The following SUPT16H variants were observed in gnomAD, a reference collection of about 807,000 sequenced individuals.
SUPT16H encodes FACT complex subunit SPT16.
A neutral mutation model predicts 136.2 loss-of-function variants in SUPT16H; 24 were observed. That is an observed-to-expected ratio of 0.18 (90% CI 0.13 to 0.25). SUPT16H has a LOEUF of 0.25. SUPT16H is among the 10% of genes least tolerant of loss of function. SUPT16H has a pLI of 1.00. For synonymous variants in SUPT16H, 415 were observed against 428.2 expected (o/e 0.97, Z 0.38); for missense variants, 623 against 1,270.2 (o/e 0.49, Z 7.74).
intron 1 of SUPT16H, chr14:21,383,419 A>C (rs144197609): frequency 4.0e-6 from 2 of 505,058 alleles, no homozygotes; most frequent in Non-Finnish European, 7.0e-6. Context: ...CCCGATTGAC[A>C]TCCTCCTTGC....
chr14:21,362,142 G>C (rs1272371867), intron 15 of SUPT16H, 55 bp downstream of exon 15: 4 of 1,560,188 alleles, frequency 2.6e-6, no homozygotes, highest in East Asian at 2.3e-5. Flanking sequence ...AAATGTTTCT[G>C]AGAGTACCAC....
chr14:21,370,372 G>A lies in SUPT16H; in HGVS notation c.447C>T (p.Ser149=). 6.2e-7 allele frequency: 1 copy of A among 1,612,754 alleles called. No individual in the cohort carries two copies. Among genetic ancestry groups the A allele is most frequent in the African/African-American group, 1.3e-5 (1 of 74,986 alleles). ...CTTCTTTGTTGAGGCAGTCATTCCA[G>A]CTCTTCATGAACTCTCCAGGGAATT... ...KDKFPGEFMK[S]WNDCLNKEGF... Residue 149 remains serine (S), a synonymous_variant, in exon 4 of 26, where the codon AGC becomes AGT. Transcript: ENST00000216297.
At position 21,375,400 on chromosome 14, in the gene SUPT16H, G is replaced by A. The variant is rs149082422; in HGVS notation, c.67-1970C>T. On this transcript the variant is annotated intron_variant, in intron 1 of 25. Transcript: ENST00000216297. ...GTTTACTGACAACTGTATGCCTCTT[G>A]GAGAAATGCCTGTTCAGATCCTCTG... Among the ~76,000 whole-genome samples, 494 of 152,222 alleles carry A rather than the reference G, an allele frequency of 3.2e-3. 3 individuals carry two copies. The highest frequency in any genetic ancestry group is 0.012 in the African/African-American group (482 of 41,526).
chr14:21,369,639 A>T, intron 5 of SUPT16H, 111 bp downstream of exon 5: 1 of 1,370,432 alleles, frequency 7.3e-7, no homozygotes, highest in Non-Finnish European at 1.0e-6. Context: ...CCACCAACTT[A>T]AGTGTCAGTC....
At chr14:21,373,507 A>G (rs1886832811) in intron 1 of SUPT16H, 77 bp from the exon 2 acceptor site, 3 of 1,076,196 alleles carry the variant, frequency 2.8e-6, no homozygotes, top group Non-Finnish European at 4.3e-6. Context: ...TTTATCTAGG[A>G]CAGGCATAAT....
rs1257394167 is a variant in SUPT16H, at chr14:21,357,213, T to C, written c.2644A>G (p.Ile882Val). 9 of 1,597,786 alleles carry C rather than the reference T, an allele frequency of 5.6e-6. No homozygotes were observed. The highest frequency in any genetic ancestry group is 6.8e-6 in the Non-Finnish European group (8 of 1,172,906). ...NAIPVASLDP[I>V]KEWLNSCDLK... The stretch of plus-strand genomic sequence containing the variant: ...TTTACTTACTTCAACCATTCCTTGA[T>C]GGGGTCAAGAGAGGCTACAGGAATG... The change falls in exon 22 of 26, where the codon ATC becomes GTC. Residue 882 changes from isoleucine to valine, a missense_variant. By Grantham distance (29) the Ile-to-Val change is conservative (BLOSUM62 3). Transcript: ENST00000216297.
intron 22 of SUPT16H, chr14:21,354,855 G>T (rs922663209): frequency 5.4e-5 from 12 of 222,482 alleles, no homozygotes; most frequent in Admixed American, 1.6e-4. Flanking sequence ...GCCTCCCAAA[G>T]TGCTGGGATT....
At chr14:21,354,648 G>A in intron 22 of SUPT16H, 108 bp from the exon 23 acceptor site, 1 of 1,403,528 alleles carries the variant, frequency 7.1e-7, no homozygotes, top group Non-Finnish European at 9.5e-7. Context: ...CTGGAGTGCA[G>A]TGGCACAATC....
intron 11 of SUPT16H, 53 bp downstream of exon 11, chr14:21,363,385 T>A: frequency 6.2e-7 from 1 of 1,606,988 alleles, no homozygotes; most frequent in East Asian, 2.2e-5. Flanking sequence ...CCAATATTAT[T>A]TAACTTCTTT....
intron 1 of SUPT16H, among the ~76,000 whole-genome samples, chr14:21,381,920 A>T (rs7161723): frequency 0.084 from 12,816 of 152,036 alleles, 648 homozygotes; most frequent in Admixed American, 0.19. Flanking sequence ...ATTAACTTCA[A>T]CTTATTCTAT....
intron 21 of SUPT16H, 116 bp from the exon 22 acceptor site, chr14:21,357,482 G>GTTTTTT: frequency 9.6e-7 from 1 of 1,043,616 alleles, no homozygotes; most frequent in Non-Finnish European, 1.3e-6. Context: ...CTGTTTTTTG[G>GTTTTTT]TTTTTTTTTT....
intron 7 of SUPT16H, 101 bp downstream of exon 7, chr14:21,368,168 C>T (rs1886710962): frequency 3.2e-6 from 4 of 1,238,706 alleles, no homozygotes; most frequent in Admixed American, 2.3e-5. Flanking sequence ...ATCCTCCTGC[C>T]TCGGCCTCCC....
rs921694399 is a variant in SUPT16H at position 21,353,410 on chromosome 14, C to T, written c.2998+78G>A. On this transcript the variant is annotated intron_variant, in intron 25 of 25. Coordinates refer to ENST00000216297, the MANE Select transcript of SUPT16H (RefSeq NM_007192.4). ...TGTTACTTTCATTACGCCATCAATA[C>T]TAACACCTCAAAATATTGAAATGTG... is the stretch of plus-strand genomic sequence containing the variant. 2.0e-4 allele frequency: 296 copies of T among 1,446,674 alleles called. 2 individuals are homozygous for T. Among genetic ancestry groups the T allele is most frequent in the Non-Finnish European group, 2.7e-5 (28 of 1,039,118 alleles). 89.6% of individuals were successfully genotyped at this position (1,446,674 alleles called of 1,614,324 possible).
At chr14:21,373,591 T>C (rs1886834986) in intron 1 of SUPT16H, among the ~76,000 whole-genome samples, 161 bp from the exon 2 acceptor site, 1 of 152,236 alleles carries the variant, frequency 6.6e-6, no homozygotes, top group Non-Finnish European at 1.5e-5. Context: ...ATTTTTTGTT[T>C]TTACAGTACT....
At chr14:21,357,389 T>G in intron 21 of SUPT16H, 23 bp from the exon 22 acceptor site, 1 of 1,555,468 alleles carries the variant, frequency 6.4e-7, no homozygotes, top group Non-Finnish European at 8.7e-7. Flanking sequence ...AACTGAATCA[T>G]TAGCATATAA....
intron 14 of SUPT16H, 106 bp from the exon 15 acceptor site, chr14:21,362,430 C>T (rs955021003): frequency 1.3e-5 from 14 of 1,077,622 alleles, no homozygotes; most frequent in African/African-American, 8.1e-5. Context: ...CCGCTCTTAA[C>T]CTTAATCTAA....
intron 3 of SUPT16H, among the ~76,000 whole-genome samples, chr14:21,371,532 TAA>T (rs1886785508): frequency 1.3e-5 from 2 of 152,324 alleles, no homozygotes; most frequent in South Asian, 4.1e-4. Flanking sequence ...TCACATTTGA[TAA>T]AAACTGGAAA....
At chr14:21,379,205 G>C (rs1016795290) in intron 1 of SUPT16H, among the ~76,000 whole-genome samples, 5 of 152,146 alleles carry the variant, frequency 3.3e-5, no homozygotes. Flanking sequence ...GGAGGCTGGG[G>C]TGGGTGGATT....
At chr14:21,356,586 A>C (rs1886438976) in intron 22 of SUPT16H, among the ~76,000 whole-genome samples, 1 of 152,238 alleles carries the variant, frequency 6.6e-6, no homozygotes, top group African/African-American at 2.4e-5. Flanking sequence ...TCTAGTAAAA[A>C]AAAATTAGCT....
Sources: allele counts gnomAD v4.1 joint callset (sites outside exome capture counted in the v4.1 genomes callset), GRCh38; gene constraint gnomAD v4.1.1; transcripts MANE v1.5; gene names NCBI Gene and HGNC (gene_info 2026-07-23, HGNC 2026-07-21).